The following MSH3 variants were observed in gnomAD, a reference collection of about 807,000 sequenced individuals.
The protein encoded by MSH3 is DNA mismatch repair protein Msh3.
In MSH3, 106 loss-of-function variants were observed where a neutral mutation model predicts 123.3. That is an observed-to-expected ratio of 0.86 (90% CI 0.73 to 1.01). The LOEUF is 1.01. Ranked by LOEUF, MSH3 falls within the 50% of genes least tolerant of loss-of-function variation. The pLI is 0.00. For synonymous variants in MSH3, 515 were observed against 481.4 expected, an observed-to-expected ratio of 1.07 and a Z score of -0.91; for missense variants, 1,459 against 1,347.6, an observed-to-expected ratio of 1.08 and a Z score of -1.29.
At chr5:80,717,605 T>C (rs984567511) in intron 8 of MSH3, among the ~76,000 whole-genome samples, 1 of 152,202 alleles carries the variant, frequency 6.6e-6, no homozygotes, top group African/African-American at 2.4e-5. Flanking sequence ...CTATAAGGGC[T>C]GTCTCAGTTT....
At position 80,735,976 on chromosome 5, in the gene MSH3, A is replaced by C. The variant is rs557029735; in HGVS notation, c.1569-5488A>C. 2.0e-5 allele frequency among the ~76,000 whole-genome samples: 3 copies of C among 152,226 alleles called. No homozygotes were observed. The South Asian group carries it at 6.2e-4, about 32-fold the overall frequency. On this transcript the variant is annotated intron_variant, in intron 10 of 23. Transcript: ENST00000265081. Reference sequence around the variant, plus strand: ...GCAGTGGCTCACGCCTGTAATCCCAACACTTGTGGGAGGCTGAGGTGGGCA... The same window carrying C: ...GCAGTGGCTCACGCCTGTAATCCCACCACTTGTGGGAGGCTGAGGTGGGCA...
chr5:80,869,774 TTATATATG>T (rs1041451211), intron 22 of MSH3, among the ~76,000 whole-genome samples: 3 of 123,848 alleles, frequency 2.4e-5, no homozygotes, highest in African/African-American at 9.5e-5. Context: ...TGTGCACTCT[TTATATATG>T]TATACATATA....
Position 80,693,052 on chromosome 5 carries a change from T to G in MSH3, c.1340+13959T>G, listed in dbSNP as rs181362149. ...ATATACATGCACATGTATATGTTTATATAGATAAATATACATGCACATGTA... is the reference window on the plus strand; with the variant it reads ...ATATACATGCACATGTATATGTTTAGATAGATAAATATACATGCACATGTA... On this transcript the variant is annotated intron_variant, in intron 8 of 23. Transcript: ENST00000265081. 2.2e-3 allele frequency among the ~76,000 whole-genome samples: 280 copies of G among 125,660 alleles called. 9 individuals are homozygous for G. Among genetic ancestry groups the G allele is most frequent in the African/African-American group, 6.8e-3 (232 of 34,278 alleles). 82.4% of individuals were successfully genotyped at this position (125,660 alleles called of 152,430 possible). A position where few individuals can be genotyped will look rare whatever the true frequency, so the allele number is the denominator to read the frequency against.
chr5:80,873,147 C>T lies in MSH3; in HGVS notation c.3162C>T (p.Thr1054=). ...CAGAACAAGTCCCTGATTTTGTCAC[C>T]TTCCTTTACCAAATAACTAGAGGAA... The part of the protein sequence containing the change: ...GAAEQVPDFV[T]FLYQITRGIA... The change falls in exon 23 of 24, where the codon ACC becomes ACT. Residue 1054 remains threonine, a synonymous_variant. Transcript: ENST00000265081. The T allele has an allele frequency of 6.2e-7, 1 of 1,613,750 alleles. No homozygotes were observed. Among genetic ancestry groups the T allele is most frequent in the Middle Eastern group, 1.7e-4 (1 of 6,056 alleles).
chr5:80,781,390 T>G (rs1382466638), intron 17 of MSH3, among the ~76,000 whole-genome samples: 1 of 152,144 alleles, frequency 6.6e-6, no homozygotes, highest in African/African-American at 2.4e-5. Context: ...TATTCCAGAC[T>G]AAAGAAAGTT....
intron 10 of MSH3, among the ~76,000 whole-genome samples, chr5:80,729,968 C>T (rs1212330991): frequency 1.3e-5 from 2 of 152,052 alleles, no homozygotes; most frequent in Non-Finnish European, 2.9e-5. Context: ...AACTAGGAAA[C>T]AAGGAGGTGG....
chr5:80,782,912 ATGT>A (rs2112013573), intron 17 of MSH3, among the ~76,000 whole-genome samples: 1 of 152,302 alleles, frequency 6.6e-6, no homozygotes, highest in South Asian at 2.1e-4. Context: ...TTTGATCAAA[ATGT>A]TGTCAGAAAT....
intron 13 of MSH3, among the ~76,000 whole-genome samples, chr5:80,762,594 T>G (rs543536572): frequency 2.8e-4 from 43 of 151,884 alleles, no homozygotes; most frequent in South Asian, 1.7e-3. Context: ...GATGCTATCA[T>G]GTTTGATGTA....
At chr5:80,687,396 C>G (rs6151670) in intron 8 of MSH3, among the ~76,000 whole-genome samples, 34,597 of 152,156 alleles carry the variant, frequency 0.23, 4,122 homozygotes, top group Non-Finnish European at 0.27. Context: ...ATAATATTTA[C>G]TAGTTCTCAA....
intron 12 of MSH3, among the ~76,000 whole-genome samples, chr5:80,757,099 T>A (rs183911505): frequency 6.6e-6 from 1 of 152,170 alleles, no homozygotes; most frequent in Non-Finnish European, 1.5e-5. Flanking sequence ...CATTTTATGT[T>A]GGTAGGTACA....
intron 2 of MSH3, among the ~76,000 whole-genome samples, chr5:80,658,035 C>A (rs868212172): frequency 2.3e-5 from 2 of 87,218 alleles, no homozygotes; most frequent in Non-Finnish European, 4.4e-5. Context: ...GCTTTTTGCC[C>A]TCTTTTTTTT....
At chr5:80,663,643 AAAG>A (rs1458226634) in intron 2 of MSH3, among the ~76,000 whole-genome samples, 1 of 152,214 alleles carries the variant, frequency 6.6e-6, no homozygotes, top group African/African-American at 2.4e-5. Flanking sequence ...ACATTTCAAA[AAAG>A]AGAGTAATAG....
At chr5:80,821,809 C>T (rs1252987965) in intron 20 of MSH3, among the ~76,000 whole-genome samples, 1 of 152,206 alleles carries the variant, frequency 6.6e-6, no homozygotes, top group Admixed American at 6.5e-5. Flanking sequence ...AGTTAATTCT[C>T]CCCTTAAAGA....
intron 17 of MSH3, among the ~76,000 whole-genome samples, chr5:80,780,252 A>G (rs1029121688): frequency 1.3e-5 from 2 of 152,186 alleles, no homozygotes; most frequent in Non-Finnish European, 2.9e-5. Flanking sequence ...ATGTCAAGCT[A>G]CCACTGGACT....
At chr5:80,794,415 T>G (rs1264171024) in intron 19 of MSH3, among the ~76,000 whole-genome samples, 1 of 152,124 alleles carries the variant, frequency 6.6e-6, no homozygotes, top group Non-Finnish European at 1.5e-5. Flanking sequence ...TCTCTAGGTT[T>G]TTATAGGTCA....
In MSH3 at chr5:80,845,780, T is replaced by C. The variant is rs369340529; in HGVS notation, c.2814-8350T>C. 5.3e-5 allele frequency among the ~76,000 whole-genome samples: 8 copies of C among 152,270 alleles called. No homozygotes were observed. The East Asian group carries it at 9.7e-4, about 18-fold the overall frequency. Reference sequence around the variant, plus strand: ...GTCATTTAAGGTCTTCTCGACACTGTTTATTCTAGTTAGCCATTCATCTAA... The same window carrying C: ...GTCATTTAAGGTCTTCTCGACACTGCTTATTCTAGTTAGCCATTCATCTAA... On this transcript the variant is annotated intron_variant, in intron 20 of 23. Transcript: ENST00000265081.
intron 17 of MSH3, among the ~76,000 whole-genome samples, chr5:80,785,013 C>T (rs1744478934): frequency 6.6e-6 from 1 of 152,066 alleles, no homozygotes; most frequent in Non-Finnish European, 1.5e-5. Flanking sequence ...CTAGAAATAT[C>T]AGAAGTTACA....
At chr5:80,786,670 C>G (rs1744515415) in intron 17 of MSH3, among the ~76,000 whole-genome samples, 1 of 152,052 alleles carries the variant, frequency 6.6e-6, no homozygotes, top group Non-Finnish European at 1.5e-5. Flanking sequence ...AGTTTTGGGT[C>G]CTTTTTGTAG....
In MSH3 at chr5:80,771,376, G is replaced by T. The variant is rs1373335375; in HGVS notation, c.2253+2373G>T. Among the ~76,000 whole-genome samples the T allele has an allele frequency of 2.0e-5, 3 of 151,796 alleles. No individual in the cohort carries two copies. In the East Asian group the frequency reaches 5.8e-4, roughly 29 times the overall value. ...TGTCTATGCTCCCTGCTACTCGGGA[G>T]ACTAAGGTAGAGAATCACTTGAGCC... On this transcript the variant is annotated intron_variant, in intron 15 of 23. Coordinates refer to ENST00000265081, the MANE Select transcript of MSH3 (RefSeq NM_002439.5).
Sources: allele counts gnomAD v4.1 joint callset (sites outside exome capture counted in the v4.1 genomes callset), GRCh38; gene constraint gnomAD v4.1.1; transcripts MANE v1.5; gene names NCBI Gene and HGNC (gene_info 2026-07-23, HGNC 2026-07-21).